Variants in ADNP2 observed in about 807,000 individuals in gnomAD.
The protein encoded by ADNP2 is activity-dependent neuroprotector homeobox protein 2.
In ADNP2, 8 loss-of-function variants were observed where a neutral mutation model predicts 16.4. The observed-to-expected ratio is 0.49, with a 90% CI of 0.29 to 0.88. The LOEUF (loss-of-function observed/expected upper bound fraction) is 0.88. ADNP2 is among the 40% of genes least tolerant of loss of function. ADNP2 has a pLI of 0.09. For synonymous variants in ADNP2, 637 were observed against 545.8 expected (o/e 1.17, Z -2.33); for missense variants, 1,397 against 1,395.1 (o/e 1.00, Z -0.02).
At chr18:80,113,600 G>C (rs1217932773) in intron 1 of ADNP2, among the ~76,000 whole-genome samples, 1 of 152,016 alleles carries the variant, frequency 6.6e-6, no homozygotes, top group East Asian at 1.9e-4. Flanking sequence ...ATATCTTACG[G>C]TTCTTATCCT....
chr18:80,140,138 G>A lies in ADNP2; in HGVS notation c.*1329G>A, dbSNP rs187359026. ...ATTTGGAGGATGTGACAGCCTCTGA[G>A]AAACATAATGTTACTATGTGGATTT... On this transcript the variant is annotated 3_prime_UTR_variant, in exon 4 of 4. Transcript: ENST00000262198. The A allele has an allele frequency of 9.9e-5, 15 of 152,282 alleles. No homozygotes were observed. Among genetic ancestry groups the A allele is most frequent in the Admixed American group, 6.5e-4 (10 of 15,294 alleles). The allele number at this position is 152,282 out of a possible 1,614,324, so 9.4% of individuals were successfully genotyped here.
chr18:80,110,533 G>C (rs754843857), intron 1 of ADNP2, among the ~76,000 whole-genome samples: 1 of 152,170 alleles, frequency 6.6e-6, no homozygotes, highest in Non-Finnish European at 1.5e-5. Flanking sequence ...TTTATCAAAA[G>C]AGGGGGTTTG....
chr18:80,135,471 C>T (rs1400275327), intron 3 of ADNP2, 141 bp from the exon 4 acceptor site: 1 of 889,642 alleles, frequency 1.1e-6, no homozygotes, highest in African/African-American at 1.7e-5. Context: ...AAAAGTTTGC[C>T]AACCCCTGGG....
chr18:80,137,863 A>G lies in ADNP2; in HGVS notation c.2450A>G (p.Asn817Ser), dbSNP rs1052101672. The G allele has an allele frequency of 1.9e-6, 3 of 1,614,112 alleles. No homozygotes were observed. Among genetic ancestry groups the G allele is most frequent in the East Asian group, 2.2e-5 (1 of 44,876 alleles). ...GFQLDVDANG[N>S]LLFPHLDFIT... is the part of the protein sequence containing the mutation. Reference sequence around the variant, plus strand: ...CAATTAGATGTCGATGCCAATGGCAACCTGCTCTTTCCCCACCTTGATTTC... The same window carrying G: ...CAATTAGATGTCGATGCCAATGGCAGCCTGCTCTTTCCCCACCTTGATTTC... Residue 817 changes from asparagine (N) to serine (S), a missense_variant, in exon 4 of 4, where the codon AAC becomes AGC. Transcript: ENST00000262198. The surrounding 1 kb of genome is among the most constrained non-coding windows in gnomAD (Gnocchi z 4.2).
rs1257366013 is a variant in ADNP2 at position 80,138,791 on chromosome 18, C to G, written c.3378C>G (p.Asn1126Lys). 2 of 1,512,402 alleles carry G rather than the reference C, an allele frequency of 1.3e-6. No individual in the cohort carries two copies. The highest frequency in any genetic ancestry group is 2.3e-5 in the East Asian group (1 of 43,060). The allele number at this position is 1,512,402 out of a possible 1,614,324, so 93.7% of individuals were successfully genotyped here. A position where few individuals can be genotyped will look rare whatever the true frequency, so the allele number is the denominator to read the frequency against. ...SELKNVKHRL[N>K]FEYEP ...TTAAAAATGTGAAACATAGATTGAA[C>G]TTTGAATATGAACCATAAAACTTGC... is the stretch of plus-strand genomic sequence containing the variant. The change falls in exon 4 of 4, where the codon AAC (asparagine) becomes AAG (lysine). Residue 1126 changes from asparagine (N) to lysine (K), a missense_variant. By Grantham distance (94) the Asn-to-Lys change is moderately conservative. Transcript: ENST00000262198.
At chr18:80,120,248 T>C (rs868381797) in intron 2 of ADNP2, among the ~76,000 whole-genome samples, 4 of 152,146 alleles carry the variant, frequency 2.6e-5, no homozygotes, top group Admixed American at 6.5e-5. Context: ...TGGTTACCAC[T>C]GAGCATTAAA....
In ADNP2 at chr18:80,136,707, G is replaced by C; in HGVS notation, c.1294G>C (p.Ala432Pro). Residue 432 changes from alanine to proline, a missense_variant, in exon 4 of 4, where the codon GCT becomes CCT. Ala to Pro is a conservative substitution (Grantham distance 27). This residue lies in a region of ADNP2 where 777 missense variants were observed against 719.4 expected (regional missense o/e 1.08). Transcript: ENST00000262198. ...SPSVTPGVLQAVSPGVLSVSR... is the reference protein window; with the variant it reads ...SPSVTPGVLQPVSPGVLSVSR... ...CTCTGTCACCCCTGGGGTCCTGCAG[G>C]CTGTCTCGCCAGGGGTGCTTTCTGT... 1 of 1,613,330 alleles carries C rather than the reference G, an allele frequency of 6.2e-7. No individual in the cohort carries two copies. Among genetic ancestry groups the C allele is most frequent in the Non-Finnish European group, 8.5e-7 (1 of 1,179,628 alleles).
In ADNP2 at chr18:80,138,745, T is replaced by C; in HGVS notation, c.3332T>C (p.Leu1111Ser). 1.3e-6 allele frequency: 2 copies of C among 1,599,086 alleles called. No individual in the cohort carries two copies. Among genetic ancestry groups the C allele is most frequent in the Non-Finnish European group, 1.7e-6 (2 of 1,176,522 alleles). ...AIKNHKPSVL[L>S]GFDMSELKNV... The stretch of plus-strand genomic sequence containing the variant: ...AAAAATCACAAGCCTTCTGTACTTT[T>C]AGGCTTTGATATGTCTGAACTTAAA... The change falls in exon 4 of 4, where the codon TTA becomes TCA. Residue 1111 changes from leucine (L) to serine (S), a missense_variant. Around this residue, in one of 3 missense-constraint regions of ADNP2, gnomAD observed 611 missense variants for 648.7 expected, o/e 0.94. Transcript: ENST00000262198.
At chr18:80,126,805 G>T (rs551347362) in intron 2 of ADNP2, among the ~76,000 whole-genome samples, 55 of 152,212 alleles carry the variant, frequency 3.6e-4, no homozygotes, top group African/African-American at 1.3e-3. Flanking sequence ...TCACCCGTTT[G>T]TCCCTGATAC....
At chr18:80,123,936 G>T (rs2052441754) in intron 2 of ADNP2, among the ~76,000 whole-genome samples, 1 of 151,944 alleles carries the variant, frequency 6.6e-6, no homozygotes, top group South Asian at 2.1e-4. Flanking sequence ...CACCATGTTG[G>T]CCAGGCTGGT....
rs773368425 is a variant in ADNP2, at chr18:80,137,167, G to C, written c.1754G>C (p.Gly585Ala). The change falls in exon 4 of 4, where the codon GGT becomes GCT. Residue 585 changes from glycine to alanine, a missense_variant. Physicochemically the swap from Gly to Ala is moderately conservative, Grantham distance 60. Coordinates refer to ENST00000262198, the MANE Select transcript of ADNP2 (RefSeq NM_014913.4). This position sits in a 1 kb window ranked among gnomAD's most constrained non-coding sequence, Gnocchi z 4.2. ...CCTGTGAATCAGCCAGTGAGACCTG[G>C]TGCTTCGCAGAACACCACCTTCCTG... ...ILPVNQPVRP[G>A]ASQNTTFLTS... is the part of the protein sequence containing the mutation. 6.2e-6 allele frequency: 10 copies of C among 1,614,100 alleles called. No homozygotes were observed. In the African/African-American group the frequency reaches 9.3e-5, roughly 15 times the overall value.
chr18:80,119,264 C>A (rs1459196440), intron 2 of ADNP2, among the ~76,000 whole-genome samples: 1 of 152,010 alleles, frequency 6.6e-6, no homozygotes, highest in Non-Finnish European at 1.5e-5. Flanking sequence ...AGAAACCAAT[C>A]TGACCAATTT....
rs149187381 is a variant in ADNP2, at chr18:80,137,330, G to T, written c.1917G>T (p.Met639Ile). The change falls in exon 4 of 4, where the codon ATG becomes ATT. Residue 639 changes from methionine to isoleucine, a missense_variant. By Grantham distance (10) the Met-to-Ile change is conservative (BLOSUM62 1). Coordinates refer to ENST00000262198, the MANE Select transcript of ADNP2 (RefSeq NM_014913.4). The surrounding 1 kb of genome is among the most constrained non-coding windows in gnomAD (Gnocchi z 4.2). ...GGLATVAPPQ[M>I]PIQLLPSGAA... The stretch of plus-strand genomic sequence containing the variant: ...TTGCGACTGTCGCTCCGCCCCAGAT[G>T]CCCATCCAGCTCCTGCCGTCAGGTG... 6.2e-7 allele frequency: 1 copy of T among 1,613,960 alleles called. No individual in the cohort carries two copies. Among genetic ancestry groups the T allele is most frequent in the South Asian group, 1.1e-5 (1 of 91,086 alleles).
At chr18:80,115,640 C>A (rs1391209468) in intron 1 of ADNP2, among the ~76,000 whole-genome samples, 1 of 152,200 alleles carries the variant, frequency 6.6e-6, no homozygotes, top group African/African-American at 2.4e-5. Flanking sequence ...ATGTACCATA[C>A]AATTCACCAG....
At chr18:80,112,043 A>G (rs2052361068) in intron 1 of ADNP2, among the ~76,000 whole-genome samples, 1 of 152,112 alleles carries the variant, frequency 6.6e-6, no homozygotes, top group African/African-American at 2.4e-5. Flanking sequence ...ATTGAAATTG[A>G]TAGGTTGGTG....
At chr18:80,126,965 G>A (rs964348373) in intron 2 of ADNP2, among the ~76,000 whole-genome samples, 3 of 152,256 alleles carry the variant, frequency 2.0e-5, no homozygotes, top group East Asian at 3.9e-4. Context: ...ATCTTGTCAC[G>A]TGAGGCGCCA....
At chr18:80,132,095 T>G (rs576276393) in intron 2 of ADNP2, among the ~76,000 whole-genome samples, 1 of 152,220 alleles carries the variant, frequency 6.6e-6, no homozygotes, top group African/African-American at 2.4e-5. Context: ...TGCGTACATA[T>G]AGAGGATGTA....
chr18:80,110,728 G>A (rs1039326905), intron 1 of ADNP2, among the ~76,000 whole-genome samples: 1 of 152,102 alleles, frequency 6.6e-6, no homozygotes, highest in African/African-American at 2.4e-5. Flanking sequence ...GTTAAATTTC[G>A]GTTGGAGTTA....
rs1483739414 is a variant in ADNP2, at chr18:80,137,420, T to C, written c.2007T>C (p.Ala669=). 9 of 1,614,178 alleles carry C rather than the reference T, an allele frequency of 5.6e-6. No individual in the cohort carries two copies. In the African/African-American group the frequency reaches 1.1e-4, roughly 19 times the overall value. Reference sequence around the variant, plus strand: ...CTCCTCCAGTGCTGGTGAATGCTGCTCAGAGCGTGTTTGTTCAGGCCTCCT... The same window carrying C: ...CTCCTCCAGTGCTGGTGAATGCTGCCCAGAGCGTGTTTGTTCAGGCCTCCT... ...MPSPPVLVNA[A]QSVFVQASSS... The change falls in exon 4 of 4, where the codon GCT becomes GCC. Residue 669 remains alanine, a synonymous_variant. Coordinates refer to ENST00000262198, the MANE Select transcript of ADNP2 (RefSeq NM_014913.4). The surrounding 1 kb of genome is among the most constrained non-coding windows in gnomAD (Gnocchi z 4.2).
Sources: gnomAD v4.1 joint callset for allele counts (sites outside exome capture counted in the v4.1 genomes callset) on GRCh38, gnomAD v4.1.1 for gene constraint, gnomAD v4.1.1 regional missense constraint, Gnocchi (gnomAD v3.1) non-coding constraint, MANE v1.5 for transcripts, NCBI Gene and HGNC (gene_info 2026-07-23, HGNC 2026-07-21) for gene names.